The following COL5A2 variants were observed in gnomAD, a reference collection of about 807,000 sequenced individuals.
COL5A2 encodes the protein collagen alpha-2(V) chain.
Under a neutral mutation model 208.2 loss-of-function variants are expected in COL5A2, and 23 were observed. The ratio of observed to expected loss-of-function variants is 0.11; its 90% CI spans 0.08 to 0.16. The LOEUF is 0.16. COL5A2 is among the 10% of genes least tolerant of loss of function. COL5A2 has a pLI of 1.00. For synonymous variants in COL5A2, 625 were observed against 628.5 expected (o/e 0.99, Z 0.08); for missense variants, 1,590 against 1,956.4 (o/e 0.81, Z 3.53).
the COL5A2 span, among the ~76,000 whole-genome samples, chr2:189,406,402 G>A: frequency 0.024 from 3,663 of 152,214 alleles, 159 homozygotes; most frequent in African/African-American, 0.084. Context: ...GTTGGCTTAT[G>A]TTTAGAAATG....
chr2:189,263,246 G>T, the COL5A2 span, among the ~76,000 whole-genome samples: 6 of 152,162 alleles, frequency 3.9e-5, no homozygotes, highest in African/African-American at 1.4e-4. Flanking sequence ...CACCAACCTT[G>T]AGAACCACAG....
At chr2:189,309,298 T>C in the COL5A2 span, among the ~76,000 whole-genome samples, 26 of 151,518 alleles carry the variant, frequency 1.7e-4, no homozygotes, top group African/African-American at 6.3e-4. Flanking sequence ...ATCTCAGGAG[T>C]TGGGTAAATG....
At chr2:189,102,819 A>T (rs1313122361) in intron 3 of COL5A2, among the ~76,000 whole-genome samples, 2 of 152,116 alleles carry the variant, frequency 1.3e-5, no homozygotes, top group African/African-American at 4.8e-5. Context: ...ACGAAGAACA[A>T]ATTGCATTTT....
At chr2:189,367,454 TC>T in the COL5A2 span, among the ~76,000 whole-genome samples, 614 of 152,342 alleles carry the variant, frequency 4.0e-3, 7 homozygotes, top group African/African-American at 0.014. Flanking sequence ...GGAGTGGTTC[TC>T]CAGGACATTC....
At chr2:189,284,787 G>A in the COL5A2 span, among the ~76,000 whole-genome samples, 3 of 152,018 alleles carry the variant, frequency 2.0e-5, no homozygotes, top group East Asian at 1.9e-4. Context: ...TTATACAAAC[G>A]TAGATAGTAT....
chr2:189,357,224 T>G, the COL5A2 span, among the ~76,000 whole-genome samples: 8 of 152,074 alleles, frequency 5.3e-5, no homozygotes, highest in Admixed American at 2.6e-4. Context: ...GGGGCCCACT[T>G]GAGGAGCCAC....
chr2:189,195,497 G>A (rs748517436), intron 1 of COL5A2, among the ~76,000 whole-genome samples: 23 of 152,142 alleles, frequency 1.5e-4, no homozygotes, highest in Admixed American at 2.6e-4. Context: ...AAAAGAGCTC[G>A]TATAGCCAAG....
the COL5A2 span, among the ~76,000 whole-genome samples, chr2:189,430,581 T>G: frequency 1.3e-5 from 2 of 152,244 alleles, no homozygotes; most frequent in Non-Finnish European, 2.9e-5. Context: ...CCACGGAGCA[T>G]TGCTCACTGC....
the COL5A2 span, among the ~76,000 whole-genome samples, chr2:189,418,602 G>T: frequency 1.3e-5 from 2 of 152,188 alleles, no homozygotes; most frequent in Non-Finnish European, 2.9e-5. Context: ...TCTGATTTAT[G>T]GAAAATAGTA....
the COL5A2 span, among the ~76,000 whole-genome samples, chr2:189,317,101 G>A: frequency 1.3e-5 from 2 of 151,868 alleles, no homozygotes; most frequent in Admixed American, 1.3e-4. Flanking sequence ...AAAGCCAAAG[G>A]TATATTATTT....
At chr2:189,413,783 A>ATTT in the COL5A2 span, among the ~76,000 whole-genome samples, 1,101 of 79,202 alleles carry the variant, frequency 0.014, 210 homozygotes, top group East Asian at 0.016. Flanking sequence ...CCTTGGCGTC[A>ATTT]TTTTTTTTTT....
the COL5A2 span, among the ~76,000 whole-genome samples, chr2:189,325,361 G>T: frequency 6.6e-6 from 1 of 150,978 alleles, no homozygotes; most frequent in Non-Finnish European, 1.5e-5. Context: ...GAAGGAGACT[G>T]CTTGGGTCAC....
intron 1 of COL5A2, among the ~76,000 whole-genome samples, chr2:189,138,834 C>T (rs575584693): frequency 6.6e-6 from 1 of 152,254 alleles, no homozygotes; most frequent in South Asian, 2.1e-4. Flanking sequence ...AGCAAAGTAG[C>T]ATTCAAATAT....
chr2:189,201,153 A>G (rs560034733), intron 1 of COL5A2, among the ~76,000 whole-genome samples: 1 of 152,212 alleles, frequency 6.6e-6, no homozygotes, highest in African/African-American at 2.4e-5. Flanking sequence ...TAAAAAGTTA[A>G]TTATATGATA....
At chr2:189,174,361 A>G (rs540299563) in intron 1 of COL5A2, among the ~76,000 whole-genome samples, 4 of 152,260 alleles carry the variant, frequency 2.6e-5, no homozygotes, top group Non-Finnish European at 5.9e-5. Flanking sequence ...CTAATCCACC[A>G]TGAGGGGTAT....
rs575243935 is a variant in COL5A2 at position 189,203,200 on chromosome 2, T to C, written c.-42+21948A>G. On this transcript the variant is annotated intron_variant, in intron 1 of 10. Transcript: ENST00000649966. ...CGCCCTGCCTTATTTATTTGCACCC[T>C]CCCAAATCTAAAAGTGGCATTGCTT... Among the ~76,000 whole-genome samples, 12 of 152,306 alleles carry C rather than the reference T, an allele frequency of 7.9e-5. No individual in the cohort carries two copies. The South Asian group carries it at 2.3e-3, about 29-fold the overall frequency.
In COL5A2 at chr2:189,084,052, A is replaced by T; in HGVS notation, c.799-15T>A. 6.2e-7 allele frequency: 1 copy of T among 1,604,240 alleles called. No individual in the cohort carries two copies. Among genetic ancestry groups the T allele is most frequent in the Non-Finnish European group, 8.5e-7 (1 of 1,171,128 alleles). On this transcript the variant is annotated splice_polypyrimidine_tract_variant and intron_variant, in intron 11 of 53. Coordinates refer to ENST00000374866, the MANE Select transcript of COL5A2 (RefSeq NM_000393.5). Reference sequence around the variant, plus strand: ...CCAGGTTCACCCTTTATGGAAAAAAATGTAGGAGATTGGGAAGGCAAAAGT... The same window carrying T: ...CCAGGTTCACCCTTTATGGAAAAAATTGTAGGAGATTGGGAAGGCAAAAGT...
At chr2:189,053,072 C>T (rs1210232191) in intron 38 of COL5A2, 54 bp from the exon 39 acceptor site, 10 of 1,351,642 alleles carry the variant, frequency 7.4e-6, no homozygotes, top group African/African-American at 1.4e-5. Context: ...AGACAAATTA[C>T]TTTAGAGTAA....
intron 1 of COL5A2, among the ~76,000 whole-genome samples, chr2:189,137,484 G>A (rs1233387448): frequency 7.9e-5 from 12 of 152,182 alleles, no homozygotes; most frequent in Admixed American, 5.9e-4. Context: ...ATTTTGTACT[G>A]AAATTTTAAG....
Sources: allele counts gnomAD v4.1 joint callset (sites outside exome capture counted in the v4.1 genomes callset), GRCh38; gene constraint gnomAD v4.1.1; transcripts MANE v1.5; gene names NCBI Gene and HGNC (gene_info 2026-07-23, HGNC 2026-07-21).